The following CDC42SE2 variants were observed in gnomAD, a reference collection of about 807,000 sequenced individuals.
CDC42SE2 encodes the protein CDC42 small effector 2.
Under a neutral mutation model 11.5 loss-of-function variants are expected in CDC42SE2, and 3 were observed. The observed-to-expected ratio is 0.26, with a 90% CI of 0.12 to 0.67. The LOEUF (loss-of-function observed/expected upper bound fraction) is 0.67. CDC42SE2 is among the 30% of genes least tolerant of loss of function. The pLI, the probability that CDC42SE2 is intolerant of heterozygous loss-of-function variation, is 0.80. For synonymous variants in CDC42SE2, 33 were observed against 34.8 expected, an observed-to-expected ratio of 0.95 and a Z score of 0.18; for missense variants, 82 against 106.8, an observed-to-expected ratio of 0.77 and a Z score of 1.02.
At chr5:131,338,793 G>A (rs1312302279) in intron 2 of CDC42SE2, among the ~76,000 whole-genome samples, 6 of 152,066 alleles carry the variant, frequency 3.9e-5, no homozygotes, top group African/African-American at 7.2e-5. Context: ...CCATACTGCC[G>A]ATCCAAATAT....
intron 3 of CDC42SE2, among the ~76,000 whole-genome samples, chr5:131,365,121 C>T (rs989883840): frequency 6.6e-6 from 1 of 152,060 alleles, no homozygotes; most frequent in East Asian, 1.9e-4. Flanking sequence ...GAAACCCTGT[C>T]TCTACTAAAA....
At chr5:131,353,758 A>G (rs1749446888) in intron 2 of CDC42SE2, among the ~76,000 whole-genome samples, 2 of 151,884 alleles carry the variant, frequency 1.3e-5, no homozygotes, top group South Asian at 4.2e-4. Context: ...AAAATACAAA[A>G]ATTAGCTGGG....
intron 3 of CDC42SE2, among the ~76,000 whole-genome samples, chr5:131,380,451 G>A (rs775918967): frequency 1.3e-5 from 2 of 152,138 alleles, no homozygotes; most frequent in Admixed American, 6.5e-5. Flanking sequence ...CCAGCCACCC[G>A]TGACTATTAT....
At chr5:131,237,845 G>A in the CDC42SE2 span, among the ~76,000 whole-genome samples, 1 of 152,070 alleles carries the variant, frequency 6.6e-6, no homozygotes, top group Non-Finnish European at 1.5e-5. Flanking sequence ...TCCTGCCTTG[G>A]CCCCCCAAAG....
At chr5:131,335,274 A>G (rs958654300) in intron 2 of CDC42SE2, among the ~76,000 whole-genome samples, 2 of 151,936 alleles carry the variant, frequency 1.3e-5, no homozygotes, top group African/African-American at 2.4e-5. Flanking sequence ...TAGTTGAGTG[A>G]TTTTGAGTGA....
At chr5:131,349,585 G>A (rs1185939838) in intron 2 of CDC42SE2, among the ~76,000 whole-genome samples, 1 of 152,152 alleles carries the variant, frequency 6.6e-6, no homozygotes, top group African/African-American at 2.4e-5. Flanking sequence ...CAGGGAATTG[G>A]TGCCCCTAAC....
chr5:131,321,996 A>G (rs1373250309), intron 2 of CDC42SE2, among the ~76,000 whole-genome samples: 2 of 151,898 alleles, frequency 1.3e-5, no homozygotes, highest in African/African-American at 2.4e-5. Flanking sequence ...GACTACAGGC[A>G]CCCGCCACCA....
the CDC42SE2 span, among the ~76,000 whole-genome samples, chr5:131,232,933 TA>T: frequency 7.1e-4 from 101 of 141,506 alleles, no homozygotes; most frequent in Non-Finnish European, 6.4e-4. Flanking sequence ...CTGCACACAG[TA>T]AAAAAAAAAA....
At chr5:131,247,480 A>G (rs1020062442) in intron 1 of CDC42SE2, among the ~76,000 whole-genome samples, 4 of 151,982 alleles carry the variant, frequency 2.6e-5, no homozygotes, top group Non-Finnish European at 4.4e-5. Flanking sequence ...TTAGCTGGGC[A>G]TGGTGGTGGG....
intron 2 of CDC42SE2, among the ~76,000 whole-genome samples, chr5:131,321,818 G>A (rs780447401): frequency 2.0e-5 from 3 of 151,962 alleles, no homozygotes; most frequent in Non-Finnish European, 4.4e-5. Context: ...CAAGGGTGAG[G>A]TCACCCCCAA....
chr5:131,301,351 G>A (rs947342431), intron 1 of CDC42SE2, among the ~76,000 whole-genome samples: 1 of 151,952 alleles, frequency 6.6e-6, no homozygotes, highest in South Asian at 2.1e-4. Context: ...CCAACACAAA[G>A]AAATGATAAA....
chr5:131,335,706 C>G (rs545911626), intron 2 of CDC42SE2, among the ~76,000 whole-genome samples: 1 of 152,138 alleles, frequency 6.6e-6, no homozygotes, highest in Non-Finnish European at 1.5e-5. Flanking sequence ...TGAATTGATC[C>G]CTTTACCATT....
the CDC42SE2 span, among the ~76,000 whole-genome samples, chr5:131,212,148 C>A: frequency 6.6e-6 from 1 of 151,840 alleles, no homozygotes; most frequent in African/African-American, 2.4e-5. Context: ...CACTCTGTCA[C>A]CCAGGCTGGA....
chr5:131,295,278 GA>G (rs573126461), intron 1 of CDC42SE2, among the ~76,000 whole-genome samples: 247 of 132,338 alleles, frequency 1.9e-3, no homozygotes, highest in African/African-American at 6.4e-3. Context: ...TTGAGACTTT[GA>G]AAAAAAAAAA....
chr5:131,369,695 T>C (rs536553813), intron 3 of CDC42SE2, among the ~76,000 whole-genome samples: 1 of 152,222 alleles, frequency 6.6e-6, no homozygotes, highest in Non-Finnish European at 1.5e-5. Context: ...CTCTGACTTA[T>C]TAATAGGTTG....
intron 2 of CDC42SE2, among the ~76,000 whole-genome samples, chr5:131,338,291 G>T (rs2149749886): frequency 6.6e-6 from 1 of 152,330 alleles, no homozygotes; most frequent in Middle Eastern, 3.4e-3. Flanking sequence ...TGTCATCAGT[G>T]ATAGCTGGAG....
chr5:131,316,769 TC>T (rs762771035), intron 2 of CDC42SE2, among the ~76,000 whole-genome samples: 5 of 152,176 alleles, frequency 3.3e-5, no homozygotes, highest in South Asian at 2.1e-4. Flanking sequence ...GAACTAGAGT[TC>T]CATTTACCAT....
intron 1 of CDC42SE2, among the ~76,000 whole-genome samples, chr5:131,285,349 A>C: frequency 6.6e-6 from 1 of 152,132 alleles, no homozygotes; most frequent in Non-Finnish European, 1.5e-5. Context: ...TACTGATATA[A>C]ATTTATTCAG....
intron 3 of CDC42SE2, among the ~76,000 whole-genome samples, chr5:131,367,112 G>A (rs1343902136): frequency 2.6e-5 from 4 of 151,306 alleles, no homozygotes; most frequent in African/African-American, 9.7e-5. Flanking sequence ...ATATATGTGT[G>A]TGTGTGTATA....
Sources: gnomAD v4.1 joint callset for allele counts (sites outside exome capture counted in the v4.1 genomes callset) on GRCh38, gnomAD v4.1.1 for gene constraint, MANE v1.5 for transcripts, NCBI Gene and HGNC (gene_info 2026-07-23, HGNC 2026-07-21) for gene names.